HTR7: variants seen among roughly 807,000 people sequenced by gnomAD.
HTR7 encodes the protein 5-hydroxytryptamine receptor 7.
A neutral mutation model predicts 34.0 loss-of-function variants in HTR7; 16 were observed. The observed-to-expected ratio is 0.47, with a 90% CI of 0.32 to 0.71. HTR7 has a LOEUF of 0.71. Among genes scored for constraint, HTR7 ranks in the 30% least tolerant of loss-of-function variants. The probability of loss-of-function intolerance (pLI) is 0.04; values close to 1 mark genes in which losing one functional copy is unlikely to be tolerated. For synonymous variants in HTR7, 265 were observed against 260.2 expected, an observed-to-expected ratio of 1.02 and a Z score of -0.18; for missense variants, 504 against 625.5, an observed-to-expected ratio of 0.81 and a Z score of 2.07.
At chr10:90,756,126 A>T (rs1421879510) in intron 1 of HTR7, among the ~76,000 whole-genome samples, 3 of 152,236 alleles carry the variant, frequency 2.0e-5, no homozygotes, top group African/African-American at 7.2e-5. Flanking sequence ...AAAAAAGAAC[A>T]TACTATTCAA....
At chr10:90,779,751 C>T (rs569379685) in intron 1 of HTR7, among the ~76,000 whole-genome samples, 5 of 152,318 alleles carry the variant, frequency 3.3e-5, no homozygotes, top group Admixed American at 6.5e-5. Context: ...ATTGCATAAC[C>T]TTGATGAACC....
intron 1 of HTR7, among the ~76,000 whole-genome samples, chr10:90,760,794 T>C (rs1217680339): frequency 6.6e-6 from 1 of 152,060 alleles, no homozygotes; most frequent in Non-Finnish European, 1.5e-5. Flanking sequence ...GGAGGGAGAA[T>C]TGCTTGAACC....
chr10:90,820,629 T>C (rs558185449), intron 1 of HTR7, among the ~76,000 whole-genome samples: 56 of 152,308 alleles, frequency 3.7e-4, no homozygotes, highest in African/African-American at 1.3e-3. Flanking sequence ...ACATAGGTCC[T>C]ACAAGACAGT....
intron 1 of HTR7, among the ~76,000 whole-genome samples, chr10:90,849,441 A>C (rs1381961867): frequency 1.3e-5 from 2 of 152,210 alleles, no homozygotes; most frequent in Non-Finnish European, 2.9e-5. Flanking sequence ...ATGTAAAATC[A>C]GTTTCACAAA....
intron 1 of HTR7, among the ~76,000 whole-genome samples, chr10:90,815,061 T>C (rs1244598764): frequency 6.6e-6 from 1 of 151,638 alleles, no homozygotes; most frequent in Admixed American, 6.6e-5. Context: ...AATGCAGGAT[T>C]GCAAAAGTTG....
chr10:90,814,696 A>G (rs1424989735), intron 1 of HTR7, among the ~76,000 whole-genome samples: 1 of 152,226 alleles, frequency 6.6e-6, no homozygotes, highest in Non-Finnish European at 1.5e-5. Flanking sequence ...GGTTATTAAG[A>G]AATTAAACGA....
intron 1 of HTR7, among the ~76,000 whole-genome samples, chr10:90,807,760 C>T (rs912215422): frequency 4.6e-5 from 7 of 152,196 alleles, no homozygotes; most frequent in African/African-American, 1.4e-4. Flanking sequence ...TGACTCAGAT[C>T]GGGGGACCTC....
intron 1 of HTR7, among the ~76,000 whole-genome samples, chr10:90,804,675 A>AT (rs1466334819): frequency 2.6e-5 from 4 of 152,134 alleles, no homozygotes; most frequent in Non-Finnish European, 1.5e-5. Context: ...ATCTGAAAGA[A>AT]TTTTTTTCTT....
chr10:90,745,389 C>G (rs1467584911), intron 2 of HTR7, among the ~76,000 whole-genome samples: 1 of 152,164 alleles, frequency 6.6e-6, no homozygotes, highest in African/African-American at 2.4e-5. Flanking sequence ...CATGAGGGCC[C>G]TGCCCCCATG....
intron 1 of HTR7, among the ~76,000 whole-genome samples, chr10:90,820,598 T>G (rs1458876346): frequency 6.6e-6 from 1 of 152,172 alleles, no homozygotes; most frequent in Non-Finnish European, 1.5e-5. Context: ...GAACTAGTAC[T>G]GTACACAGAA....
At chr10:90,809,545 C>A (rs1845767217) in intron 1 of HTR7, among the ~76,000 whole-genome samples, 1 of 152,180 alleles carries the variant, frequency 6.6e-6, no homozygotes, top group African/African-American at 2.4e-5. Context: ...ATTAACCTCG[C>A]CTTCAAGGTG....
intron 1 of HTR7, among the ~76,000 whole-genome samples, chr10:90,787,268 T>C (rs1845394194): frequency 6.6e-6 from 1 of 152,086 alleles, no homozygotes; most frequent in South Asian, 2.1e-4. Context: ...GGTGGGTGGA[T>C]CACAAGGTCA....
chr10:90,793,221 T>C (rs1845486505), intron 1 of HTR7, among the ~76,000 whole-genome samples: 1 of 151,730 alleles, frequency 6.6e-6, no homozygotes, highest in Non-Finnish European at 1.5e-5. Context: ...AAAAAGCAAA[T>C]AACCCAATTT....
intron 2 of HTR7, 93 bp from the exon 3 acceptor site, chr10:90,743,783 G>T: frequency 1.0e-6 from 1 of 988,864 alleles, no homozygotes; most frequent in Non-Finnish European, 1.6e-6. Context: ...ATCATATTTG[G>T]TTTTATATTA....
chr10:90,745,776 T>C (rs1198361928), intron 2 of HTR7, among the ~76,000 whole-genome samples: 1 of 152,236 alleles, frequency 6.6e-6, no homozygotes, highest in Non-Finnish European at 1.5e-5. Context: ...GTTTTATTGG[T>C]ACACGGGCCT....
chr10:90,763,721 G>A (rs1304322091), intron 1 of HTR7, among the ~76,000 whole-genome samples: 1 of 152,082 alleles, frequency 6.6e-6, no homozygotes, highest in Non-Finnish European at 1.5e-5. Flanking sequence ...GCAGTGTTTG[G>A]TTTTCTTTCC....
intron 1 of HTR7, among the ~76,000 whole-genome samples, chr10:90,801,638 G>GGAAAGCTCCTCCTTGGC (rs1472855315): frequency 6.6e-6 from 1 of 152,112 alleles, no homozygotes; most frequent in Non-Finnish European, 1.5e-5. Flanking sequence ...AGGGTCAAGG[G>GGAAAGCTCCTCCTTGGC]GAAAGCTCCT....
At chr10:90,813,126 T>C (rs553464013) in intron 1 of HTR7, among the ~76,000 whole-genome samples, 249 of 152,146 alleles carry the variant, frequency 1.6e-3, no homozygotes, top group African/African-American at 5.5e-3. Flanking sequence ...ACCCAAATCT[T>C]ATAAAACGGC....
chr10:90,790,878 A>G, intron 1 of HTR7, among the ~76,000 whole-genome samples: 1 of 152,122 alleles, frequency 6.6e-6, no homozygotes, highest in Non-Finnish European at 1.5e-5. Context: ...AGAAAATTAC[A>G]TTGGATGCTT....
Sources: allele counts gnomAD v4.1 joint callset (sites outside exome capture counted in the v4.1 genomes callset), GRCh38; gene constraint gnomAD v4.1.1; transcripts MANE v1.5; gene names NCBI Gene and HGNC (gene_info 2026-07-23, HGNC 2026-07-21).